Variants in TET3 observed in about 807,000 individuals in gnomAD.
TET3 encodes tet methylcytosine dioxygenase 3, also known as methylcytosine dioxygenase TET3.
TET3 carries 19 observed loss-of-function variants against 141.4 expected under a neutral mutation model. That is an observed-to-expected ratio of 0.13 (90% CI 0.09 to 0.20). The LOEUF is 0.20. TET3 is among the 10% of genes least tolerant of loss of function. TET3 has a pLI of 1.00. For missense variants in TET3, 1,874 were observed against 2,356.9 expected, an observed-to-expected ratio of 0.80 and a Z score of 4.24; for synonymous variants, 1,043 against 980.9, an observed-to-expected ratio of 1.06 and a Z score of -1.18.
intron 2 of TET3, chr2:73,993,715 A>G (rs1432509356): frequency 1.3e-5 from 2 of 152,106 alleles, no homozygotes; most frequent in African/African-American, 2.4e-5. Flanking sequence ...AGTAAAACCT[A>G]TCAATAAAAC....
chr2:74,072,541 TCATC>T (rs1356867151), intron 4 of TET3, among the ~76,000 whole-genome samples: 1 of 152,118 alleles, frequency 6.6e-6, no homozygotes, highest in Non-Finnish European at 1.5e-5. Flanking sequence ...TTTTCAAGGT[TCATC>T]CATATTGTAG....
Position 74,047,531 on chromosome 2 carries a change from C to T in TET3, c.1614C>T (p.Leu538=), listed in dbSNP as rs768932371. ...AGCACCTCCACCACAAGCGCAGCCT[C>T]TTCCTAGAACAGGTGCACGACACCT... The part of the protein sequence containing the change: ...LQQHLHHKRS[L]FLEQVHDTSF... The change falls in exon 4 of 12, where the codon CTC becomes CTT. Residue 538 remains leucine, a synonymous_variant. Coordinates refer to ENST00000409262, the MANE Select transcript of TET3 (RefSeq NM_001287491.2). The T allele has an allele frequency of 3.7e-6, 6 of 1,613,682 alleles. No homozygotes were observed. The highest frequency in any genetic ancestry group is 2.2e-5 in the East Asian group (1 of 44,882).
intron 3 of TET3, among the ~76,000 whole-genome samples, chr2:74,018,192 C>T (rs913473518): frequency 3.3e-5 from 5 of 152,066 alleles, no homozygotes; most frequent in South Asian, 4.1e-4. Flanking sequence ...TTTTCGAACT[C>T]GCGCCCTCAA....
the TET3 span, among the ~76,000 whole-genome samples, chr2:74,119,882 T>C: frequency 5.3e-5 from 8 of 152,366 alleles, no homozygotes; most frequent in South Asian, 1.4e-3. Context: ...TATGAACCCA[T>C]GGATTCTTTT....
intron 3 of TET3, among the ~76,000 whole-genome samples, chr2:74,036,652 C>T (rs1217441138): frequency 6.6e-6 from 1 of 152,198 alleles, no homozygotes; most frequent in Non-Finnish European, 1.5e-5. Flanking sequence ...TGATCTCCAC[C>T]TTGGAGGAGC....
intron 3 of TET3, among the ~76,000 whole-genome samples, chr2:74,024,714 C>T (rs894931181): frequency 2.6e-5 from 4 of 152,030 alleles, no homozygotes; most frequent in Non-Finnish European, 2.9e-5. Context: ...GGAATGTTAC[C>T]TTTTCACAGA....
At chr2:74,128,726 G>A in the TET3 span, among the ~76,000 whole-genome samples, 5 of 150,832 alleles carry the variant, frequency 3.3e-5, no homozygotes, top group Non-Finnish European at 7.4e-5. Context: ...GCTTATGCTT[G>A]TAATCCCAAG....
chr2:74,066,181 G>A (rs901795543), intron 4 of TET3, among the ~76,000 whole-genome samples: 6 of 152,246 alleles, frequency 3.9e-5, no homozygotes, highest in African/African-American at 1.4e-4. Context: ...AGTTCATAAT[G>A]ATATTTATAA....
chr2:74,100,120 C>T (rs563295526), intron 11 of TET3, among the ~76,000 whole-genome samples: 8 of 152,188 alleles, frequency 5.3e-5, no homozygotes, highest in South Asian at 4.1e-4. Context: ...AGAGAGGAGT[C>T]GGTGGGGGTA....
Position 73,986,306 on chromosome 2 carries a change from C to T in TET3, c.-98C>T. ...TGCCTTCACCCTTGTAGACTCTTGACTGTTCTAGGCGAGAAGGACCTGTTG... is the reference window on the plus strand; with the variant it reads ...TGCCTTCACCCTTGTAGACTCTTGATTGTTCTAGGCGAGAAGGACCTGTTG... On this transcript the variant is annotated 5_prime_UTR_variant, in exon 2 of 12. Transcript: ENST00000409262. The T allele has an allele frequency of 3.6e-6, 4 of 1,117,932 alleles. No individual in the cohort carries two copies. Among genetic ancestry groups the T allele is most frequent in the East Asian group, 3.2e-5 (1 of 31,166 alleles). The allele number at this position is 1,117,932 out of a possible 1,614,324, so 69.3% of individuals were successfully genotyped here. A position where few individuals can be genotyped will look rare whatever the true frequency, so the allele number is the denominator to read the frequency against.
chr2:74,029,214 C>T (rs1182821286), intron 3 of TET3, among the ~76,000 whole-genome samples: 1 of 152,196 alleles, frequency 6.6e-6, no homozygotes, highest in Non-Finnish European at 1.5e-5. Flanking sequence ...CTACCCCTAC[C>T]TGTTGTTATC....
At chr2:74,059,004 GT>G (rs1344764944) in intron 4 of TET3, among the ~76,000 whole-genome samples, 1 of 152,246 alleles carries the variant, frequency 6.6e-6, no homozygotes, top group Non-Finnish European at 1.5e-5. Flanking sequence ...GCACAGTTGA[GT>G]AGTTGCCCCT....
In TET3 at chr2:74,101,223, T is replaced by G; in HGVS notation, c.4435T>G (p.Cys1479Gly). 3 of 1,612,986 alleles carry G rather than the reference T, an allele frequency of 1.9e-6. No individual in the cohort carries two copies. The highest frequency in any genetic ancestry group is 2.5e-6 in the Non-Finnish European group (3 of 1,179,476). Residue 1479 changes from cysteine to glycine, a missense_variant, in exon 12 of 12, where the codon TGC (cysteine) becomes GGC (glycine). Transcript: ENST00000409262. The surrounding 1 kb of genome is among the most constrained non-coding windows in gnomAD (Gnocchi z 8.5). The part of the protein sequence containing the change: ...PDKLSSFGAS[C>G]LAPSHFTDGQ... ...CAAGCTCAGTTCCTTTGGGGCCAGC[T>G]GCCTGGCCCCTTCCCACTTCACAGA... is the stretch of plus-strand genomic sequence containing the variant.
At chr2:74,031,390 T>C (rs1686679936) in intron 3 of TET3, among the ~76,000 whole-genome samples, 1 of 152,170 alleles carries the variant, frequency 6.6e-6, no homozygotes, top group African/African-American at 2.4e-5. Context: ...AGATAATGGT[T>C]GCGCAAATGC....
Position 74,063,893 on chromosome 2 carries a change from C to CAAAAA in TET3, c.2495-9644_2495-9640dup, listed in dbSNP as rs70965781. Among the ~76,000 whole-genome samples, 532 of 106,308 alleles carry CAAAAA rather than the reference C, an allele frequency of 5.0e-3. 15 individuals carry two copies. Among genetic ancestry groups the CAAAAA allele is most frequent in the African/African-American group, 0.015 (502 of 33,208 alleles). The allele number at this position is 106,308 out of a possible 152,430, so 69.7% of individuals were successfully genotyped here. A position where few individuals can be genotyped will look rare whatever the true frequency, so the allele number is the denominator to read the frequency against. On this transcript the variant is annotated intron_variant, in intron 4 of 11. Transcript: ENST00000409262. ...GGGCAACAAAGCCCATCTCTGCAGA[C>CAAAAA]AAAAAAAAAAAAAAAATAAGTAAAA...
At chr2:74,041,094 G>A (rs771405591) in intron 3 of TET3, among the ~76,000 whole-genome samples, 18 of 152,012 alleles carry the variant, frequency 1.2e-4, no homozygotes, top group Admixed American at 2.6e-4. Context: ...TTTCTTTTCC[G>A]CATCTCCATT....
chr2:74,015,955 T>C (rs1045902257), intron 3 of TET3, among the ~76,000 whole-genome samples: 6 of 152,224 alleles, frequency 3.9e-5, no homozygotes, highest in African/African-American at 1.2e-4. Context: ...TTCTGTGTAT[T>C]ACCTATGTCC....
intron 10 of TET3, among the ~76,000 whole-genome samples, chr2:74,095,597 G>A (rs955107976): frequency 7.2e-5 from 11 of 152,206 alleles, no homozygotes; most frequent in African/African-American, 2.2e-4. Flanking sequence ...ATGTATGCAC[G>A]AATGGCTTTA....
At chr2:73,985,409 GGCGGCGCGCGCGCGGCCCGGCCC>G (rs1683964864) in intron 1 of TET3, among the ~76,000 whole-genome samples, 1 of 144,870 alleles carries the variant, frequency 6.9e-6, no homozygotes, top group Non-Finnish European at 1.5e-5. Context: ...GAGCCCGAGC[GGCGGCGCGCGCGCGGCCCGGCCC>G]GCGGCTCGAG....
Sources: allele counts gnomAD v4.1 joint callset (sites outside exome capture counted in the v4.1 genomes callset), GRCh38; gene constraint gnomAD v4.1.1; non-coding constraint Gnocchi (gnomAD v3.1); transcripts MANE v1.5; gene names NCBI Gene and HGNC (gene_info 2026-07-23, HGNC 2026-07-21).